The following CUL5 variants were observed in gnomAD, a reference collection of about 807,000 sequenced individuals.
CUL5 encodes the protein cullin 5, also known as cullin-5.
CUL5 carries 26 observed loss-of-function variants against 108.8 expected under a neutral mutation model. That is an observed-to-expected ratio of 0.24 (90% CI 0.18 to 0.33). The LOEUF (loss-of-function observed/expected upper bound fraction) is 0.33, where lower values mean the gene tolerates loss of function less well. CUL5 is among the 10% of genes least tolerant of loss of function. The pLI, the probability that CUL5 is intolerant of heterozygous loss-of-function variation, is 1.00. For synonymous variants in CUL5, 334 were observed against 298.0 expected, an observed-to-expected ratio of 1.12 and a Z score of -1.25; for missense variants, 524 against 909.2, an observed-to-expected ratio of 0.58 and a Z score of 5.45.
At position 108,082,506 on chromosome 11, in the gene CUL5, G is replaced by A. The variant is rs1864115300; in HGVS notation, c.1178+4266G>A. Among the ~76,000 whole-genome samples the A allele has an allele frequency of 3.9e-5, 6 of 152,154 alleles. No homozygotes were observed. In the South Asian group the frequency reaches 1.2e-3, roughly 32 times the overall value. ...TGACCAGGCTGGTCTTGAACTCCTG[G>A]GCTCAAGTGGTTCTCCCACCTTAGC... is the stretch of plus-strand genomic sequence containing the variant. On this transcript the variant is annotated intron_variant, in intron 11 of 18. Transcript: ENST00000393094.
In CUL5 at chr11:108,061,182, A is replaced by G. The variant is rs139857473; in HGVS notation, c.780+6227A>G. Among the ~76,000 whole-genome samples the G allele has an allele frequency of 2.8e-3, 419 of 152,332 alleles. 1 individual carries two copies. Among genetic ancestry groups the G allele is most frequent in the Non-Finnish European group, 4.8e-3 (324 of 68,032 alleles). Reference sequence around the variant, plus strand: ...AGAAAGGGAATACAAGGTGAGAGAGATGGCTTATCACTATACTTTCCATTC... The same window carrying G: ...AGAAAGGGAATACAAGGTGAGAGAGGTGGCTTATCACTATACTTTCCATTC... On this transcript the variant is annotated intron_variant, in intron 7 of 18. Transcript: ENST00000393094.
chr11:108,065,092 C>A lies in CUL5; in HGVS notation c.781-5004C>A, dbSNP rs192826235. Among the ~76,000 whole-genome samples, 255 of 152,128 alleles carry A rather than the reference C, an allele frequency of 1.7e-3. 1 individual carries two copies. In the Middle Eastern group the frequency reaches 0.037, roughly 22 times the overall value. ...CCAGGCTGGAGTGCAGTGGCATGAT[C>A]TCGGCTCACTGCAAGCTCCGCCTCC... On this transcript the variant is annotated intron_variant, in intron 7 of 18. Coordinates refer to ENST00000393094, the MANE Select transcript of CUL5 (RefSeq NM_003478.6).
At chr11:108,057,998 C>G (rs1049845634) in intron 7 of CUL5, among the ~76,000 whole-genome samples, 5 of 151,936 alleles carry the variant, frequency 3.3e-5, no homozygotes, top group Non-Finnish European at 7.4e-5. Flanking sequence ...ATCATGTGGT[C>G]AGGAGTTCAA....
chr11:108,009,322 G>T lies in CUL5; in HGVS notation c.-27G>T. ...CGGGAGCGCCACGAATTCTCGCGTC[G>T]TCTCGCGAGAGTCCAAGTTAAAGAA... On this transcript the variant is annotated 5_prime_UTR_variant, in exon 1 of 19. Coordinates refer to ENST00000393094, the MANE Select transcript of CUL5 (RefSeq NM_003478.6). The T allele has an allele frequency of 1.2e-6, 2 of 1,610,598 alleles. No homozygotes were observed. The highest frequency in any genetic ancestry group is 1.7e-6 in the Non-Finnish European group (2 of 1,178,404).
At chr11:108,068,170 A>G (rs1229828787) in intron 7 of CUL5, among the ~76,000 whole-genome samples, 4 of 152,230 alleles carry the variant, frequency 2.6e-5, no homozygotes, top group East Asian at 1.9e-4. Context: ...CGCCCGCCTT[A>G]GCCTCCCAAA....
chr11:108,092,677 G>C (rs1046799278), intron 13 of CUL5, among the ~76,000 whole-genome samples: 1 of 152,168 alleles, frequency 6.6e-6, no homozygotes, highest in Non-Finnish European at 1.5e-5. Flanking sequence ...GGGCCAGGAG[G>C]GGAAATGACG....
intron 11 of CUL5, among the ~76,000 whole-genome samples, chr11:108,081,479 G>A (rs547516876): frequency 4.0e-4 from 61 of 151,816 alleles, no homozygotes; most frequent in Middle Eastern, 3.4e-3. Context: ...GCTGCCAGGC[G>A]TGGTGGCTCA....
intron 18 of CUL5, among the ~76,000 whole-genome samples, chr11:108,101,328 C>G (rs1864659291): frequency 6.6e-6 from 1 of 152,208 alleles, no homozygotes; most frequent in Non-Finnish European, 1.5e-5. Flanking sequence ...TGGATTCTTG[C>G]TTTTGGCAGC....
chr11:108,041,941 T>C (rs1328255410), intron 2 of CUL5, among the ~76,000 whole-genome samples: 2 of 152,156 alleles, frequency 1.3e-5, no homozygotes, highest in East Asian at 3.9e-4. Context: ...CAATGTGGAA[T>C]GTCTGGCACA....
At chr11:108,102,138 C>T (rs968726667) in intron 18 of CUL5, among the ~76,000 whole-genome samples, 3 of 152,098 alleles carry the variant, frequency 2.0e-5, no homozygotes, top group East Asian at 3.9e-4. Context: ...TCTCCTGCCT[C>T]GGACTCCTGA....
intron 1 of CUL5, among the ~76,000 whole-genome samples, chr11:108,015,827 A>C (rs1434736470): frequency 2.0e-5 from 3 of 152,242 alleles, no homozygotes; most frequent in Non-Finnish European, 4.4e-5. Flanking sequence ...AATTTTGATC[A>C]GTCATTTTTC....
chr11:108,073,063 G>A (rs1021830424), intron 9 of CUL5, among the ~76,000 whole-genome samples: 1 of 151,860 alleles, frequency 6.6e-6, no homozygotes, highest in Non-Finnish European at 1.5e-5. Context: ...ATAGCCAGGC[G>A]GGGTGGCGGG....
In CUL5 at chr11:108,089,119, T is replaced by A. The variant is rs185422062; in HGVS notation, c.1312-373T>A. ...ACAAACAAGAAAAAAAATAAGATAT[T>A]GGGCAAGTGTAGACAGAAAGGCCGA... On this transcript the variant is annotated intron_variant, in intron 12 of 18. Coordinates refer to ENST00000393094, the MANE Select transcript of CUL5 (RefSeq NM_003478.6). Among the ~76,000 whole-genome samples, 474 of 152,040 alleles carry A rather than the reference T, an allele frequency of 3.1e-3. 3 individuals carry two copies. Among genetic ancestry groups the A allele is most frequent in the African/African-American group, 0.011 (461 of 41,466 alleles).
rs1207931926 is a variant in CUL5 at position 108,043,444 on chromosome 11, T to G, written c.135-2826T>G. Reference sequence around the variant, plus strand: ...ACTGTATAGGTATGCAGGAGTCATTTAATCATTTTGTAATTTATTCTAAGA... The same window carrying G: ...ACTGTATAGGTATGCAGGAGTCATTGAATCATTTTGTAATTTATTCTAAGA... On this transcript the variant is annotated intron_variant, in intron 2 of 18. Coordinates refer to ENST00000393094, the MANE Select transcript of CUL5 (RefSeq NM_003478.6). Among the ~76,000 whole-genome samples the G allele has an allele frequency of 2.0e-5, 3 of 152,342 alleles. No homozygotes were observed. The East Asian group carries it at 5.8e-4, about 29-fold the overall frequency.
intron 1 of CUL5, among the ~76,000 whole-genome samples, chr11:108,016,697 A>G (rs1862200502): frequency 6.6e-6 from 1 of 152,198 alleles, no homozygotes; most frequent in African/African-American, 2.4e-5. Flanking sequence ...GCAGTAACTC[A>G]CACCTGTAAT....
chr11:108,020,372 A>G (rs1280113436), intron 1 of CUL5, among the ~76,000 whole-genome samples: 1 of 152,188 alleles, frequency 6.6e-6, no homozygotes, highest in Non-Finnish European at 1.5e-5. Context: ...GGTTGAAGAC[A>G]GTGATGATGA....
intron 3 of CUL5, among the ~76,000 whole-genome samples, chr11:108,048,537 T>C (rs1407487453): frequency 6.6e-6 from 1 of 152,150 alleles, no homozygotes; most frequent in African/African-American, 2.4e-5. Context: ...ACAATACCTA[T>C]TCATGGATAG....
chr11:108,086,552 A>G (rs1344222686), intron 11 of CUL5, among the ~76,000 whole-genome samples: 2 of 152,218 alleles, frequency 1.3e-5, no homozygotes, highest in Non-Finnish European at 2.9e-5. Context: ...ATGGATTCTC[A>G]TTAAGTTAGT....
intron 2 of CUL5, among the ~76,000 whole-genome samples, chr11:108,041,471 T>C (rs1241794969): frequency 6.6e-6 from 1 of 151,454 alleles, no homozygotes; most frequent in Admixed American, 6.6e-5. Flanking sequence ...GAGACGGGGT[T>C]TCACTATGTT....
Sources: gnomAD v4.1 joint callset for allele counts (sites outside exome capture counted in the v4.1 genomes callset) on GRCh38, gnomAD v4.1.1 for gene constraint, MANE v1.5 for transcripts, NCBI Gene and HGNC (gene_info 2026-07-23, HGNC 2026-07-21) for gene names.